The following CDH18 variants were observed in gnomAD, a reference collection of about 807,000 sequenced individuals.
CDH18 encodes the protein cadherin-18.
A neutral mutation model predicts 67.9 loss-of-function variants in CDH18; 31 were observed. The observed-to-expected ratio is 0.46, with a 90% CI of 0.34 to 0.62. The LOEUF (loss-of-function observed/expected upper bound fraction) is 0.62. Ranked by LOEUF, CDH18 falls within the 20% of genes least tolerant of loss-of-function variation. The probability of loss-of-function intolerance (pLI) is 0.01; values close to 1 mark genes in which losing one functional copy is unlikely to be tolerated. For synonymous variants in CDH18, 362 were observed against 347.2 expected (o/e 1.04, Z -0.48); for missense variants, 890 against 975.5 (o/e 0.91, Z 1.17).
At chr5:19,791,356 A>AACACACACATAC (rs1554034910) in intron 3 of CDH18, among the ~76,000 whole-genome samples, 7 of 141,542 alleles carry the variant, frequency 4.9e-5, no homozygotes, top group Middle Eastern at 3.5e-3. Context: ...TCGACTTTTA[A>AACACACACATAC]ACACACACAC....
chr5:20,393,775 G>C (rs1474804327), intron 1 of CDH18, among the ~76,000 whole-genome samples: 1 of 151,644 alleles, frequency 6.6e-6, no homozygotes, highest in Non-Finnish European at 1.5e-5. Context: ...TTTTACAACA[G>C]CTGCAAAAAA....
chr5:19,663,527 A>G (rs1757480836), intron 5 of CDH18, among the ~76,000 whole-genome samples: 1 of 151,918 alleles, frequency 6.6e-6, no homozygotes, highest in African/African-American at 2.4e-5. Flanking sequence ...TCTAAGTCAG[A>G]ATTTTCCAAG....
intron 1 of CDH18, among the ~76,000 whole-genome samples, chr5:20,260,714 A>G (rs1474416065): frequency 6.6e-6 from 1 of 152,194 alleles, no homozygotes; most frequent in African/African-American, 2.4e-5. Context: ...GTTATGTTAC[A>G]TTATAAGACT....
At chr5:20,394,896 C>T (rs1208433972) in intron 1 of CDH18, among the ~76,000 whole-genome samples, 1 of 151,808 alleles carries the variant, frequency 6.6e-6, no homozygotes, top group Non-Finnish European at 1.5e-5. Context: ...CCACCTTACC[C>T]CAGGCAGGAT....
chr5:19,982,441 C>G (rs1332292622), intron 1 of CDH18, among the ~76,000 whole-genome samples: 1 of 152,020 alleles, frequency 6.6e-6, no homozygotes, highest in Non-Finnish European at 1.5e-5. Context: ...TTATAGCATA[C>G]ATAAAATTTA....
At chr5:20,516,083 A>T (rs1010548967) in intron 1 of CDH18, among the ~76,000 whole-genome samples, 2 of 152,082 alleles carry the variant, frequency 1.3e-5, no homozygotes, top group Admixed American at 1.3e-4. Flanking sequence ...GGATATCATT[A>T]AAATGGCACC....
At chr5:20,081,790 C>T (rs1744500089) in intron 2 of CDH18, among the ~76,000 whole-genome samples, 1 of 152,062 alleles carries the variant, frequency 6.6e-6, no homozygotes, top group South Asian at 2.1e-4. Flanking sequence ...CTGGGGCCTA[C>T]TCGAGGGTGG....
chr5:19,637,074 C>T (rs1753252935), intron 5 of CDH18, among the ~76,000 whole-genome samples: 1 of 152,112 alleles, frequency 6.6e-6, no homozygotes, highest in Non-Finnish European at 1.5e-5. Flanking sequence ...TAAACTAGTG[C>T]TTTTGGAAAT....
chr5:19,839,556 T>A (rs1782042924), intron 2 of CDH18, among the ~76,000 whole-genome samples: 1 of 152,138 alleles, frequency 6.6e-6, no homozygotes, highest in African/African-American at 2.4e-5. Flanking sequence ...TGACAAAATA[T>A]CCCAAGGGCT....
intron 2 of CDH18, among the ~76,000 whole-genome samples, chr5:19,905,770 C>A (rs1790469910): frequency 1.3e-5 from 2 of 151,310 alleles, no homozygotes; most frequent in East Asian, 3.9e-4. Context: ...TTTTAAAAAT[C>A]AGAAAAAAAA....
intron 7 of CDH18, among the ~76,000 whole-genome samples, chr5:19,588,972 A>G (rs1192766940): frequency 1.3e-5 from 2 of 152,082 alleles, no homozygotes; most frequent in Non-Finnish European, 2.9e-5. Context: ...CCTCACTGAC[A>G]TTATGAGACA....
intron 2 of CDH18, among the ~76,000 whole-genome samples, chr5:20,218,229 G>T (rs191563497): frequency 4.5e-4 from 68 of 151,910 alleles, no homozygotes; most frequent in Admixed American, 1.4e-3. Context: ...CTTCTCCTAG[G>T]CACATGGATG....
intron 2 of CDH18, among the ~76,000 whole-genome samples, chr5:19,975,105 C>A (rs1244543305): frequency 2.6e-5 from 4 of 151,990 alleles, no homozygotes; most frequent in Non-Finnish European, 4.4e-5. Flanking sequence ...ACTATGCATG[C>A]ACAAGTAAAT....
chr5:20,441,098 A>G (rs2150190524), intron 1 of CDH18, among the ~76,000 whole-genome samples: 2 of 151,916 alleles, frequency 1.3e-5, no homozygotes, highest in Non-Finnish European at 2.9e-5. Context: ...TCTCCAAGAT[A>G]AAAATAGGGG....
intron 1 of CDH18, among the ~76,000 whole-genome samples, chr5:20,561,390 T>A (rs1581202811): frequency 6.6e-6 from 1 of 152,192 alleles, no homozygotes; most frequent in East Asian, 1.9e-4. Flanking sequence ...AAATAAGTTG[T>A]GCTGCATGAG....
At chr5:19,913,278 T>A (rs2150143927) in intron 2 of CDH18, among the ~76,000 whole-genome samples, 1 of 152,288 alleles carries the variant, frequency 6.6e-6, no homozygotes, top group African/African-American at 2.4e-5. Context: ...TTCTCATATA[T>A]GTTTTTCTCT....
chr5:20,007,461 A>C (rs1384157748), intron 2 of CDH18, among the ~76,000 whole-genome samples: 1 of 152,182 alleles, frequency 6.6e-6, no homozygotes, highest in Non-Finnish European at 1.5e-5. Context: ...GAGAAAAAAG[A>C]ATACATAAAA....
At chr5:19,963,747 A>G (rs2150312646) in intron 2 of CDH18, among the ~76,000 whole-genome samples, 1 of 152,076 alleles carries the variant, frequency 6.6e-6, no homozygotes, top group African/African-American at 2.4e-5. Flanking sequence ...CAGCATGAGA[A>G]TGGACAAATA....
At chr5:19,531,247 TA>T (rs1306518489) in intron 9 of CDH18, among the ~76,000 whole-genome samples, 2 of 152,350 alleles carry the variant, frequency 1.3e-5, no homozygotes, top group East Asian at 3.9e-4. Context: ...CTGCATATAT[TA>T]AAATCTCAAA....
Sources: allele counts gnomAD v4.1 joint callset (sites outside exome capture counted in the v4.1 genomes callset), GRCh38; gene constraint gnomAD v4.1.1; transcripts MANE v1.5; gene names NCBI Gene and HGNC (gene_info 2026-07-23, HGNC 2026-07-21).